TMEM132B: variants seen among roughly 807,000 people sequenced by gnomAD.
TMEM132B encodes the protein transmembrane protein 132B.
TMEM132B carries 18 observed loss-of-function variants against 90.8 expected under a neutral mutation model. The observed-to-expected ratio is 0.20, with a 90% confidence interval of 0.14 to 0.29. TMEM132B has a LOEUF of 0.29. TMEM132B is among the 10% of genes least tolerant of loss of function. The probability of loss-of-function intolerance (pLI) is 1.00; values close to 1 mark genes in which losing one functional copy is unlikely to be tolerated. For missense variants in TMEM132B, 1,096 were observed against 1,326.8 expected, an observed-to-expected ratio of 0.83 and a Z score of 2.70; for synonymous variants, 504 against 523.3, an observed-to-expected ratio of 0.96 and a Z score of 0.50.
Position 125,192,428 on chromosome 12 carries a change from G to T in TMEM132B, c.67+5562G>T, listed in dbSNP as rs1430518917. On this transcript the variant is annotated intron_variant, in intron 1 of 8. Transcript: ENST00000682704. ...TAAGGGATGTGTCTTGAGTCAAGGG[G>T]AGAGTTGGGTTTTTTGTGAGAAACA... 2.0e-5 allele frequency among the ~76,000 whole-genome samples: 3 copies of T among 152,112 alleles called. No individual in the cohort carries two copies. In the South Asian group the frequency reaches 6.2e-4, roughly 32 times the overall value.
chr12:125,549,567 C>T (rs577180327), intron 4 of TMEM132B, among the ~76,000 whole-genome samples: 2 of 152,336 alleles, frequency 1.3e-5, no homozygotes, highest in South Asian at 4.1e-4. Flanking sequence ...CTCATCACCG[C>T]TCTCTTGATT....
At chr12:125,304,655 G>C (rs1436491392) in intron 1 of TMEM132B, among the ~76,000 whole-genome samples, 1 of 152,118 alleles carries the variant, frequency 6.6e-6, no homozygotes, top group Non-Finnish European at 1.5e-5. Context: ...CCAAACACCA[G>C]GAACTAGTGT....
At chr12:125,336,709 C>A (rs1220126417) in intron 1 of TMEM132B, among the ~76,000 whole-genome samples, 2 of 152,188 alleles carry the variant, frequency 1.3e-5, no homozygotes, top group Non-Finnish European at 2.9e-5. Context: ...ATGCACCTGG[C>A]AGCAGGTGAC....
At chr12:125,560,756 C>A (rs887704854) in intron 4 of TMEM132B, among the ~76,000 whole-genome samples, 13 of 130,170 alleles carry the variant, frequency 1.0e-4, no homozygotes, top group African/African-American at 3.4e-4. Flanking sequence ...ACCAGGGAAG[C>A]GGAGCTTGCA....
At chr12:125,636,169 T>C (rs1209129650) in intron 5 of TMEM132B, among the ~76,000 whole-genome samples, 1 of 152,066 alleles carries the variant, frequency 6.6e-6, no homozygotes, top group Non-Finnish European at 1.5e-5. Flanking sequence ...TGTAGATAGT[T>C]GTTAAATTGG....
At chr12:125,318,314 CTTTCTT>C (rs1876340844) in intron 1 of TMEM132B, among the ~76,000 whole-genome samples, 1 of 149,408 alleles carries the variant, frequency 6.7e-6, no homozygotes. Flanking sequence ...CTGTTTCTTT[CTTTCTT>C]TTTTTTTTTT....
chr12:125,446,613 G>A (rs569229655), intron 3 of TMEM132B, among the ~76,000 whole-genome samples: 20 of 152,252 alleles, frequency 1.3e-4, no homozygotes, highest in African/African-American at 4.6e-4. Context: ...GGGTTGCTGG[G>A]AAGACTACAA....
At chr12:125,207,662 C>A (rs1346146158) in intron 1 of TMEM132B, among the ~76,000 whole-genome samples, 3 of 152,194 alleles carry the variant, frequency 2.0e-5, no homozygotes, top group Non-Finnish European at 4.4e-5. Context: ...GTTATCCAAC[C>A]ATCGCCGCCA....
chr12:125,426,041 G>T (rs552651139), intron 3 of TMEM132B, among the ~76,000 whole-genome samples: 8 of 152,326 alleles, frequency 5.3e-5, no homozygotes, highest in Non-Finnish European at 1.2e-4. Context: ...TCCAAAGCGG[G>T]TGTAGCATTT....
At chr12:125,479,966 G>A (rs1325321209) in intron 3 of TMEM132B, among the ~76,000 whole-genome samples, 5 of 152,086 alleles carry the variant, frequency 3.3e-5, no homozygotes, top group East Asian at 3.9e-4. Context: ...ACTCAAAACC[G>A]CACAACTACA....
rs1272630749 is a variant in TMEM132B, at chr12:125,308,097, A to T, written c.68-41355A>T. ...TATATTATAAGTATATATACTTACA[A>T]TACAAGTATATTACAAGTATATATA... On this transcript the variant is annotated intron_variant, in intron 1 of 8. Transcript: ENST00000682704. Among the ~76,000 whole-genome samples the T allele has an allele frequency of 1.3e-4, 19 of 146,064 alleles. 1 individual carries two copies. Among genetic ancestry groups the T allele is most frequent in the Non-Finnish European group, 1.6e-4 (11 of 67,058 alleles).
chr12:125,361,905 T>C (rs773790871), intron 2 of TMEM132B, among the ~76,000 whole-genome samples: 1 of 152,218 alleles, frequency 6.6e-6, no homozygotes. Context: ...TTACTTTATC[T>C]CAGATCACAA....
At chr12:125,642,834 T>C (rs186757938) in intron 5 of TMEM132B, among the ~76,000 whole-genome samples, 20 of 152,350 alleles carry the variant, frequency 1.3e-4, no homozygotes, top group Non-Finnish European at 2.4e-4. Flanking sequence ...AAGTGTCCCA[T>C]TAGCTATTTT....
intron 3 of TMEM132B, among the ~76,000 whole-genome samples, chr12:125,497,056 G>A (rs556711795): frequency 3.3e-5 from 5 of 152,116 alleles, no homozygotes; most frequent in African/African-American, 4.8e-5. Flanking sequence ...TTTAAAGGAT[G>A]GTTACCTTTA....
At chr12:125,296,610 G>A (rs992988565) in intron 1 of TMEM132B, among the ~76,000 whole-genome samples, 2 of 152,192 alleles carry the variant, frequency 1.3e-5, no homozygotes, top group Non-Finnish European at 2.9e-5. Flanking sequence ...CCCCCAACAA[G>A]AACATCCATC....
At chr12:125,590,971 G>A (rs866438113) in intron 5 of TMEM132B, among the ~76,000 whole-genome samples, 7 of 152,100 alleles carry the variant, frequency 4.6e-5, no homozygotes, top group African/African-American at 1.4e-4. Flanking sequence ...ATCTAAAATT[G>A]TCACTCTTGA....
intron 3 of TMEM132B, among the ~76,000 whole-genome samples, chr12:125,475,156 G>A (rs1881839996): frequency 6.6e-6 from 1 of 151,288 alleles, no homozygotes; most frequent in Admixed American, 6.6e-5. Context: ...TAAATTAGAA[G>A]TGTGTGTGTG....
In TMEM132B at chr12:125,331,227, G is replaced by C. The variant is rs1488588897; in HGVS notation, c.68-18225G>C. Among the ~76,000 whole-genome samples, 3 of 152,350 alleles carry C rather than the reference G, an allele frequency of 2.0e-5. No individual in the cohort carries two copies. In the South Asian group the frequency reaches 6.2e-4, roughly 32 times the overall value. ...CTCCCGGGTCGGTCCCCTCCTCCGC[G>C]TTGCTGCCCCAGGAGTCCGCTTCGT... On this transcript the variant is annotated intron_variant, in intron 1 of 8. Transcript: ENST00000682704.
intron 2 of TMEM132B, among the ~76,000 whole-genome samples, chr12:125,384,009 T>C (rs901121312): frequency 6.6e-6 from 1 of 152,194 alleles, no homozygotes; most frequent in African/African-American, 2.4e-5. Context: ...TGCAGTGGTG[T>C]GACCTCAGCT....
Sources: allele counts gnomAD v4.1 joint callset (sites outside exome capture counted in the v4.1 genomes callset), GRCh38; gene constraint gnomAD v4.1.1; transcripts MANE v1.5; gene names NCBI Gene and HGNC (gene_info 2026-07-23, HGNC 2026-07-21).